Variants in TBC1D22A observed in about 807,000 individuals in gnomAD.
The protein encoded by TBC1D22A is TBC1 domain family member 22A.
Under a neutral mutation model 60.2 loss-of-function variants are expected in TBC1D22A, and 38 were observed. The observed-to-expected ratio is 0.63, with a 90% confidence interval of 0.49 to 0.83. The LOEUF (loss-of-function observed/expected upper bound fraction) is 0.83, where lower values mean the gene tolerates loss of function less well. TBC1D22A is among the 40% of genes least tolerant of loss of function. The pLI is 0.00. For synonymous variants in TBC1D22A, 302 were observed against 281.7 expected, an observed-to-expected ratio of 1.07 and a Z score of -0.72; for missense variants, 628 against 701.0, an observed-to-expected ratio of 0.90 and a Z score of 1.18.
chr22:46,996,322 GAGCTGCC>G (rs1351545199), intron 9 of TBC1D22A, among the ~76,000 whole-genome samples: 1 of 152,268 alleles, frequency 6.6e-6, no homozygotes. Context: ...CCTGAGGGCA[GAGCTGCC>G]ACAGGCAGTC....
intron 8 of TBC1D22A, among the ~76,000 whole-genome samples, chr22:46,950,539 G>A (rs1407568602): frequency 1.3e-5 from 2 of 152,182 alleles, no homozygotes; most frequent in Non-Finnish European, 2.9e-5. Flanking sequence ...GGAGGCTTTA[G>A]GGCCCACTGG....
At chr22:46,972,626 A>G (rs1032390629) in intron 8 of TBC1D22A, among the ~76,000 whole-genome samples, 1 of 152,178 alleles carries the variant, frequency 6.6e-6, no homozygotes, top group Non-Finnish European at 1.5e-5. Context: ...CGTGGTTGCC[A>G]GGCGTGGGGT....
At chr22:46,762,985 C>A in intron 1 of TBC1D22A, 137 bp downstream of exon 1, 1 of 762,696 alleles carries the variant, frequency 1.3e-6, no homozygotes, top group Non-Finnish European at 1.9e-6. Flanking sequence ...GATGGTGTGA[C>A]GGGCGTTGGG....
chr22:46,967,999 G>A (rs1226788121), intron 8 of TBC1D22A, among the ~76,000 whole-genome samples: 4 of 152,176 alleles, frequency 2.6e-5, no homozygotes, highest in East Asian at 1.9e-4. Flanking sequence ...GGCTGATGTC[G>A]TCTCACAGAG....
At chr22:46,893,104 C>T (rs2068488143) in intron 6 of TBC1D22A, among the ~76,000 whole-genome samples, 1 of 152,246 alleles carries the variant, frequency 6.6e-6, no homozygotes, top group South Asian at 2.1e-4. Flanking sequence ...GGCAATGCCA[C>T]CCCTGCACAC....
chr22:47,115,172 A>C (rs920187582), intron 12 of TBC1D22A, among the ~76,000 whole-genome samples: 3 of 136,218 alleles, frequency 2.2e-5, no homozygotes, highest in Non-Finnish European at 4.6e-5. Flanking sequence ...GCTGGGCCCC[A>C]GGAGGTGTGT....
intron 1 of TBC1D22A, among the ~76,000 whole-genome samples, chr22:46,782,421 C>T (rs1023999367): frequency 3.3e-5 from 5 of 152,238 alleles, no homozygotes; most frequent in Admixed American, 6.5e-5. Context: ...CCTTCCATGA[C>T]GTCCCGGCCT....
chr22:47,172,184 TTGTG>T (rs2068510553), intron 12 of TBC1D22A, among the ~76,000 whole-genome samples: 1 of 151,970 alleles, frequency 6.6e-6, no homozygotes. Context: ...CCAGTGAGCC[TTGTG>T]TGTCCACCCA....
intron 8 of TBC1D22A, among the ~76,000 whole-genome samples, chr22:46,952,191 C>A (rs2072946468): frequency 6.6e-6 from 1 of 151,946 alleles, no homozygotes; most frequent in African/African-American, 2.4e-5. Context: ...ATGTCCACAT[C>A]TTTGAAAGCA....
intron 4 of TBC1D22A, among the ~76,000 whole-genome samples, chr22:46,803,182 C>T (rs1012210296): frequency 6.6e-6 from 1 of 152,116 alleles, no homozygotes; most frequent in African/African-American, 2.4e-5. Flanking sequence ...ACCCCCACCC[C>T]CTTCCTGCGT....
rs559509034 is a variant in TBC1D22A, at chr22:46,933,436, G to A, written c.1015+21248G>A. ...TGGAATTAGTCGAAGCCATGGAGAT[G>A]AATTGAGGTGTGTGAAAGTTCTGCT... On this transcript the variant is annotated intron_variant, in intron 8 of 12. Coordinates refer to ENST00000337137, the MANE Select transcript of TBC1D22A (RefSeq NM_014346.5). Among the ~76,000 whole-genome samples the A allele has an allele frequency of 5.9e-5, 9 of 152,350 alleles. No individual in the cohort carries two copies. In the South Asian group the frequency reaches 1.9e-3, roughly 32 times the overall value.
chr22:46,904,142 T>TCTACCTAC lies in TBC1D22A; in HGVS notation c.901-7906_901-7899dup, dbSNP rs11268390. Reference sequence around the variant, plus strand: ...ATCTATCTATCTATCTATCTATCTATCTACCTACCTACCTACCTACCTACC... The same window carrying TCTACCTAC: ...ATCTATCTATCTATCTATCTATCTATCTACCTACCTACCTACCTACCTACCTACCTACC... On this transcript the variant is annotated intron_variant, in intron 7 of 12. Transcript: ENST00000337137. Among the ~76,000 whole-genome samples the TCTACCTAC allele has an allele frequency of 5.3e-4, 71 of 134,496 alleles. 1 individual carries two copies. Among genetic ancestry groups the TCTACCTAC allele is most frequent in the African/African-American group, 1.0e-3 (35 of 33,794 alleles). The allele number at this position is 134,496 out of a possible 152,430, so 88.2% of individuals were successfully genotyped here.
intron 4 of TBC1D22A, among the ~76,000 whole-genome samples, chr22:46,868,385 A>C (rs1191339147): frequency 6.6e-6 from 1 of 152,232 alleles, no homozygotes; most frequent in Non-Finnish European, 1.5e-5. Context: ...TGTAAGGTAT[A>C]TATGAACCAT....
At chr22:46,915,402 C>A (rs1289612597) in intron 8 of TBC1D22A, 1 of 456,510 alleles carries the variant, frequency 2.2e-6, no homozygotes, top group African/African-American at 2.0e-5. Flanking sequence ...GAGAACAGAG[C>A]CTGGTAATGG....
intron 4 of TBC1D22A, among the ~76,000 whole-genome samples, chr22:46,866,233 TA>T (rs1834312991): frequency 8.5e-5 from 13 of 152,206 alleles, no homozygotes; most frequent in Admixed American, 8.5e-4. Context: ...GCCTCCCAAG[TA>T]GCTGGGACTA....
At position 46,777,995 on chromosome 22, in the gene TBC1D22A, T is replaced by A. The variant is rs1284803224; in HGVS notation, c.63-14525T>A. Among the ~76,000 whole-genome samples, 3 of 152,260 alleles carry A rather than the reference T, an allele frequency of 2.0e-5. No homozygotes were observed. Among genetic ancestry groups the A allele is most frequent in the Non-Finnish European group, 4.4e-5 (3 of 68,054 alleles). ...TACAGCATGGTACTGTTCTGAATAC[T>A]GCAGGCAGTTGTCACACAATGGTTG... On this transcript the variant is annotated intron_variant, in intron 1 of 12. Coordinates refer to ENST00000337137, the MANE Select transcript of TBC1D22A (RefSeq NM_014346.5). This position sits in a 1 kb window ranked among gnomAD's most constrained non-coding sequence, Gnocchi z 4.5.
chr22:46,865,634 T>A (rs555895608), intron 4 of TBC1D22A, among the ~76,000 whole-genome samples: 13 of 152,330 alleles, frequency 8.5e-5, no homozygotes, highest in African/African-American at 3.1e-4. Flanking sequence ...CTGTGATTTG[T>A]CTTGTCTGCG....
At chr22:46,904,126 T>TCTGCCTAC (rs1161536671) in intron 7 of TBC1D22A, among the ~76,000 whole-genome samples, 4 of 93,718 alleles carry the variant, frequency 4.3e-5, no homozygotes, top group African/African-American at 2.0e-4. Flanking sequence ...TATCTATCTA[T>TCTGCCTAC]CTATCTATCT....
chr22:46,773,996 G>A lies in TBC1D22A; in HGVS notation c.62+11148G>A, dbSNP rs933052658. On this transcript the variant is annotated intron_variant, in intron 1 of 12. Coordinates refer to ENST00000337137, the MANE Select transcript of TBC1D22A (RefSeq NM_014346.5). ...CCATTCCCTAGGGGACTTAACAGGT[G>A]TTGAAATTATTACAGAGAAAGCTGA... 10 of 985,430 alleles carry A rather than the reference G, an allele frequency of 1.0e-5. No homozygotes were observed. The Admixed American group carries it at 3.7e-4, about 36-fold the overall frequency. The allele number at this position is 985,430 out of a possible 1,614,324, so 61.0% of individuals were successfully genotyped here.
Sources: allele counts gnomAD v4.1 joint callset (sites outside exome capture counted in the v4.1 genomes callset), GRCh38; gene constraint gnomAD v4.1.1; non-coding constraint Gnocchi (gnomAD v3.1); transcripts MANE v1.5; gene names NCBI Gene and HGNC (gene_info 2026-07-23, HGNC 2026-07-21).